OGA: variants seen among roughly 807,000 people sequenced by gnomAD.
OGA encodes the protein protein O-GlcNAcase.
A neutral mutation model predicts 102.0 loss-of-function variants in OGA; 21 were observed. The ratio of observed to expected loss-of-function variants is 0.21; its 90% CI spans 0.15 to 0.30. The LOEUF is 0.30. Ranked by LOEUF, OGA falls within the 10% of genes least tolerant of loss-of-function variation. The pLI is 1.00. For synonymous variants in OGA, 408 were observed against 378.2 expected (o/e 1.08, Z -0.91); for missense variants, 765 against 1,107.8 (o/e 0.69, Z 4.39).
At position 101,785,544 on chromosome 10, in the gene OGA, G is replaced by A. The variant is rs750906190; in HGVS notation, c.*907C>T. 2 of 152,584 alleles carry A rather than the reference G, an allele frequency of 1.3e-5. No homozygotes were observed. The highest frequency in any genetic ancestry group is 2.9e-5 in the Non-Finnish European group (2 of 68,034). 9.5% of individuals were successfully genotyped at this position (152,584 alleles called of 1,614,324 possible). ...CAACAGATTAAGTCCTACAAAATTA[G>A]GCTCTCGTACCCCAAATGGTCATGG... On this transcript the variant is annotated 3_prime_UTR_variant, in exon 16 of 16. Coordinates refer to ENST00000361464, the MANE Select transcript of OGA (RefSeq NM_012215.5).
chr10:101,817,281 G>C (rs747522428), intron 1 of OGA, among the ~76,000 whole-genome samples: 6 of 152,176 alleles, frequency 3.9e-5, no homozygotes, highest in Admixed American at 2.0e-4. Context: ...CAGTAGCTGG[G>C]AAAGAGGGCA....
At chr10:101,810,372 C>G in intron 3 of OGA, 58 bp from the exon 4 acceptor site, 10 of 1,448,544 alleles carry the variant, frequency 6.9e-6, no homozygotes, top group Non-Finnish European at 9.4e-6. Flanking sequence ...AGAACCTTCA[C>G]TGAAGGTTTA....
In OGA at chr10:101,792,853, A is replaced by G. The variant is rs2065274954; in HGVS notation, c.2161T>C (p.Phe721Leu). 2.5e-6 allele frequency: 4 copies of G among 1,602,646 alleles called. No homozygotes were observed. In the African/African-American group the frequency reaches 4.0e-5, roughly 16 times the overall value. The change falls in exon 12 of 16, where the codon TTT (phenylalanine) becomes CTT (leucine). Residue 721 changes from phenylalanine to leucine, a missense_variant. Physicochemically the swap from Phe to Leu is conservative, Grantham distance 22 (BLOSUM62 0). This residue lies in a region of OGA where 146 missense variants were observed against 269.7 expected (regional missense o/e 0.54). Coordinates refer to ENST00000361464, the MANE Select transcript of OGA (RefSeq NM_012215.5). ...TSKVYTIRPYFPKDEASVYKI... is the reference protein window; with the variant it reads ...TSKVYTIRPYLPKDEASVYKI... Reference sequence around the variant, plus strand: ...GAGACAATTACCTCATCCTTAGGAAAATAAGGTCTGATAGTATAAACTTTG... The same window carrying G: ...GAGACAATTACCTCATCCTTAGGAAGATAAGGTCTGATAGTATAAACTTTG...
chr10:101,809,758 G>GA, intron 4 of OGA, among the ~76,000 whole-genome samples: 1 of 146,420 alleles, frequency 6.8e-6, no homozygotes, highest in Non-Finnish European at 1.5e-5. Flanking sequence ...AATTCTTATA[G>GA]AAACAAAGAA....
At chr10:101,794,094 A>G in intron 10 of OGA, 96 bp from the exon 11 acceptor site, 1 of 790,856 alleles carries the variant, frequency 1.3e-6, no homozygotes, top group Non-Finnish European at 2.1e-6. Flanking sequence ...CGTGGAAATA[A>G]CTCTCTAACA....
intron 4 of OGA, 73 bp downstream of exon 4, chr10:101,810,111 C>G: frequency 7.5e-7 from 1 of 1,340,906 alleles, no homozygotes. Flanking sequence ...CTTTTAACAT[C>G]GTAAAAGCAA....
chr10:101,811,488 A>T (rs2065557967), intron 3 of OGA, among the ~76,000 whole-genome samples: 1 of 147,836 alleles, frequency 6.8e-6, no homozygotes, highest in African/African-American at 2.5e-5. Context: ...TGACTGCTTG[A>T]GTTCAGGAGT....
chr10:101,797,197 T>C (rs891951771), intron 10 of OGA: 1 of 152,182 alleles, frequency 6.6e-6, no homozygotes, highest in Non-Finnish European at 1.5e-5. Context: ...AACTATGACA[T>C]GTCAGTCAGC....
Position 101,818,324 on chromosome 10 carries a change from C to G in OGA, c.-302G>C. ...TCCCTGGAAGAAGACGGCCAAGGGTCCTGTCCTCGTTCTCTGCCTCTGCTG... is the reference window on the plus strand; with the variant it reads ...TCCCTGGAAGAAGACGGCCAAGGGTGCTGTCCTCGTTCTCTGCCTCTGCTG... On this transcript the variant is annotated 5_prime_UTR_variant, in exon 1 of 16. Transcript: ENST00000361464. The G allele has an allele frequency of 1.7e-6, 2 of 1,179,618 alleles. No individual in the cohort carries two copies. The highest frequency in any genetic ancestry group is 2.9e-5 in the South Asian group (1 of 33,974). 73.1% of individuals were successfully genotyped at this position (1,179,618 alleles called of 1,614,324 possible).
intron 3 of OGA, among the ~76,000 whole-genome samples, chr10:101,811,173 G>C (rs1401243535): frequency 1.3e-5 from 2 of 151,920 alleles, no homozygotes; most frequent in Non-Finnish European, 2.9e-5. Flanking sequence ...AGGACTGCCT[G>C]AGGTCAGGAG....
At chr10:101,807,352 T>C (rs948128801) in intron 5 of OGA, among the ~76,000 whole-genome samples, 7 of 151,446 alleles carry the variant, frequency 4.6e-5, no homozygotes, top group South Asian at 2.1e-4. Context: ...GTGGGAGGAG[T>C]GCAAAAAGGG....
intron 4 of OGA, among the ~76,000 whole-genome samples, chr10:101,809,776 A>G (rs1003405265): frequency 2.0e-5 from 3 of 151,388 alleles, no homozygotes; most frequent in African/African-American, 7.3e-5. Context: ...GAAATAAAAA[A>G]CCAGGCATGG....
At chr10:101,801,990 TAAA>T in intron 7 of OGA, among the ~76,000 whole-genome samples, 1 of 151,654 alleles carries the variant, frequency 6.6e-6, no homozygotes, top group East Asian at 1.9e-4. Context: ...ACTAAAACTA[TAAA>T]AATCAGCCAG....
intron 10 of OGA, among the ~76,000 whole-genome samples, chr10:101,796,410 T>A (rs2065317192): frequency 6.6e-6 from 1 of 151,716 alleles, no homozygotes; most frequent in Non-Finnish European, 1.5e-5. Flanking sequence ...TACAAGCACA[T>A]GCCACCACGC....
chr10:101,811,406 G>GAAAAA (rs67433227), intron 3 of OGA, among the ~76,000 whole-genome samples: 3 of 45,702 alleles, frequency 6.6e-5, no homozygotes, highest in Admixed American at 3.1e-4. Context: ...GAAAAAAAAT[G>GAAAAA]AAAAAAAAAA....
intron 14 of OGA, chr10:101,787,762 C>CAG (rs2065208028): frequency 5.9e-6 from 2 of 339,366 alleles, no homozygotes; most frequent in East Asian, 1.0e-4. Context: ...TGCACGCGCT[C>CAG]TCTCTCTCTC....
At chr10:101,812,620 A>G (rs924030238) in intron 3 of OGA, among the ~76,000 whole-genome samples, 1 of 152,204 alleles carries the variant, frequency 6.6e-6, no homozygotes, top group African/African-American at 2.4e-5. Flanking sequence ...TTGGTTTTTT[A>G]AAAAAATTGC....
chr10:101,818,357 G>A lies in OGA; in HGVS notation c.-335C>T, dbSNP rs2065670943. Reference sequence around the variant, plus strand: ...CGTTCTCTGCCTCTGCTGCCCTCCCGATAATCTTAGGTCTTCCGCTGTTTC... The same window carrying A: ...CGTTCTCTGCCTCTGCTGCCCTCCCAATAATCTTAGGTCTTCCGCTGTTTC... On this transcript the variant is annotated 5_prime_UTR_variant, in exon 1 of 16. Coordinates refer to ENST00000361464, the MANE Select transcript of OGA (RefSeq NM_012215.5). 2 of 1,094,518 alleles carry A rather than the reference G, an allele frequency of 1.8e-6. No individual in the cohort carries two copies. The highest frequency in any genetic ancestry group is 2.2e-6 in the Non-Finnish European group (2 of 898,220). 67.8% of individuals were successfully genotyped at this position (1,094,518 alleles called of 1,614,324 possible).
rs1336176072 is a variant in OGA, at chr10:101,800,919, C to T, written c.1037-519G>A. Among the ~76,000 whole-genome samples, 3 of 151,928 alleles carry T rather than the reference C, an allele frequency of 2.0e-5. No homozygotes were observed. The East Asian group carries it at 5.8e-4, about 30-fold the overall frequency. ...CCTCCCCAGTAGCTGGGACTACAGG[C>T]GCATGCCACCATGCCCAGCTAATTT... On this transcript the variant is annotated intron_variant, in intron 7 of 15. Coordinates refer to ENST00000361464, the MANE Select transcript of OGA (RefSeq NM_012215.5).
Sources: gnomAD v4.1 joint callset for allele counts (sites outside exome capture counted in the v4.1 genomes callset) on GRCh38, gnomAD v4.1.1 for gene constraint, gnomAD v4.1.1 regional missense constraint, MANE v1.5 for transcripts, NCBI Gene and HGNC (gene_info 2026-07-23, HGNC 2026-07-21) for gene names.